Variants in QKI observed in about 807,000 individuals in gnomAD.
QKI encodes the protein QKI, KH domain containing RNA binding, also known as KH domain-containing RNA-binding protein QKI.
Under a neutral mutation model 39.0 loss-of-function variants are expected in QKI, and 10 were observed. That is an observed-to-expected ratio of 0.26 (90% CI 0.16 to 0.43). QKI has a LOEUF of 0.43. QKI is among the 20% of genes least tolerant of loss of function. The pLI, the probability that QKI is intolerant of heterozygous loss-of-function variation, is 1.00. For synonymous variants in QKI, 204 were observed against 155.4 expected (o/e 1.31, Z -2.33); for missense variants, 218 against 428.0 (o/e 0.51, Z 4.33).
intron 1 of QKI, among the ~76,000 whole-genome samples, chr6:163,446,257 GAAAA>G (rs1327356928): frequency 1.3e-5 from 2 of 152,072 alleles, no homozygotes; most frequent in African/African-American, 2.4e-5. Flanking sequence ...AAACTTTTAA[GAAAA>G]GTTTCTGAAA....
chr6:163,568,317 A>T (rs1280364481), intron 7 of QKI: 3 of 985,196 alleles, frequency 3.0e-6, no homozygotes, highest in African/African-American at 1.7e-5. Context: ...TTGCTTTAAC[A>T]CAATAATTAT....
chr6:163,534,267 A>G (rs1781056114), intron 3 of QKI, among the ~76,000 whole-genome samples: 1 of 152,218 alleles, frequency 6.6e-6, no homozygotes, highest in Non-Finnish European at 1.5e-5. Flanking sequence ...ACTAGTATTT[A>G]TGACTTGATA....
intron 3 of QKI, among the ~76,000 whole-genome samples, chr6:163,494,665 T>TTTGTTGTTG (rs969865611): frequency 1.7e-5 from 1 of 57,516 alleles, no homozygotes; most frequent in Non-Finnish European, 3.6e-5. Context: ...TTTTTTTGTT[T>TTTGTTGTTG]TTGTTGTTGT....
intron 7 of QKI, chr6:163,567,004 ATC>A (rs1783402870): frequency 7.7e-7 from 1 of 1,304,246 alleles, no homozygotes; most frequent in Admixed American, 3.8e-5. Context: ...AACTTATTAA[ATC>A]TTCTATTATT....
At chr6:163,488,209 T>C (rs1042721114) in intron 3 of QKI, among the ~76,000 whole-genome samples, 2 of 152,160 alleles carry the variant, frequency 1.3e-5, no homozygotes, top group African/African-American at 4.8e-5. Flanking sequence ...TCCTAGTAGA[T>C]GGGAATAGTA....
chr6:163,472,926 A>G (rs1792312600), intron 2 of QKI, among the ~76,000 whole-genome samples: 1 of 152,194 alleles, frequency 6.6e-6, no homozygotes, highest in Non-Finnish European at 1.5e-5. Context: ...ATTTCAAAAA[A>G]TTGGAAAAAG....
At chr6:163,570,251 T>C in intron 7 of QKI, 2 of 982,354 alleles carry the variant, frequency 2.0e-6, no homozygotes, top group Non-Finnish European at 2.4e-6. Flanking sequence ...ACATCCATCA[T>C]TAATAGTTGC....
chr6:163,451,494 T>C (rs1232574959), intron 1 of QKI, among the ~76,000 whole-genome samples: 2 of 152,236 alleles, frequency 1.3e-5, no homozygotes, highest in Non-Finnish European at 2.9e-5. Context: ...ATGGGGCTGC[T>C]GAGTTGTGGC....
At chr6:163,458,322 A>G (rs1791084825) in intron 2 of QKI, among the ~76,000 whole-genome samples, 1 of 152,186 alleles carries the variant, frequency 6.6e-6, no homozygotes, top group South Asian at 2.1e-4. Flanking sequence ...GATTATGAAG[A>G]CTAAAGAGTT....
chr6:163,463,445 C>T (rs117588989), intron 2 of QKI, among the ~76,000 whole-genome samples: 1,549 of 152,306 alleles, frequency 0.01, 14 homozygotes, highest in Non-Finnish European at 0.017. Flanking sequence ...CTGCAGCATA[C>T]TCAACACCAA....
At chr6:163,562,849 A>G (rs1783118378) in intron 5 of QKI, among the ~76,000 whole-genome samples, 1 of 152,226 alleles carries the variant, frequency 6.6e-6, no homozygotes, top group East Asian at 1.9e-4. Flanking sequence ...TAATTTACTC[A>G]TGAAAATGTG....
At chr6:163,497,964 T>C (rs1778513249) in intron 3 of QKI, among the ~76,000 whole-genome samples, 1 of 152,110 alleles carries the variant, frequency 6.6e-6, no homozygotes, top group African/African-American at 2.4e-5. Flanking sequence ...TAAGGAGTGA[T>C]ACTGCGGCCT....
chr6:163,454,531 T>C (rs1328539771), intron 1 of QKI, among the ~76,000 whole-genome samples: 1 of 152,200 alleles, frequency 6.6e-6, no homozygotes, highest in African/African-American at 2.4e-5. Flanking sequence ...CATTCTTTTG[T>C]AGTATTCGAT....
At chr6:163,540,156 G>A (rs924906397) in intron 4 of QKI, among the ~76,000 whole-genome samples, 37 of 151,450 alleles carry the variant, frequency 2.4e-4, no homozygotes, top group Non-Finnish European at 4.3e-4. Context: ...AAGACAAAGA[G>A]TTTTGTGTAT....
chr6:163,417,693 GTT>G (rs1287048380), intron 1 of QKI, among the ~76,000 whole-genome samples: 1 of 152,128 alleles, frequency 6.6e-6, no homozygotes, highest in African/African-American at 2.4e-5. Context: ...GATAATGTTT[GTT>G]TCCCCTTCCC....
intron 3 of QKI, among the ~76,000 whole-genome samples, chr6:163,479,591 C>T (rs1275623634): frequency 7.2e-5 from 11 of 152,290 alleles, no homozygotes; most frequent in Admixed American, 6.5e-4. Context: ...AGTCTGGTCT[C>T]GAACTCCTGA....
rs1395305878 is a variant in QKI, at chr6:163,576,172, A to T, written c.*5462A>T. 1 of 152,174 alleles carries T rather than the reference A, an allele frequency of 6.6e-6. No homozygotes were observed. Among genetic ancestry groups the T allele is most frequent in the Non-Finnish European group, 1.5e-5 (1 of 68,026 alleles). 9.4% of individuals were successfully genotyped at this position (152,174 alleles called of 1,614,324 possible). On this transcript the variant is annotated 3_prime_UTR_variant, in exon 8 of 8. Transcript: ENST00000361752. ...CACATCTAATTTTATCTGTAGTTTA[A>T]GTGATCTAAATTGAGATGCCTTTGA... is the stretch of plus-strand genomic sequence containing the variant.
chr6:163,443,424 T>C (rs1053171742), intron 1 of QKI, among the ~76,000 whole-genome samples: 5 of 152,106 alleles, frequency 3.3e-5, no homozygotes, highest in African/African-American at 1.2e-4. Flanking sequence ...CAAAAATTAG[T>C]CGGTGTGGTG....
chr6:163,569,746 A>G (rs1233296823), intron 7 of QKI: 12 of 990,068 alleles, frequency 1.2e-5, no homozygotes, highest in African/African-American at 3.5e-5. Context: ...GCAGGAATGT[A>G]TATGAAATGT....
Sources: allele counts gnomAD v4.1 joint callset (sites outside exome capture counted in the v4.1 genomes callset), GRCh38; gene constraint gnomAD v4.1.1; transcripts MANE v1.5; gene names NCBI Gene and HGNC (gene_info 2026-07-23, HGNC 2026-07-21).